CTNNA3: variants seen among roughly 807,000 people sequenced by gnomAD.
CTNNA3 encodes the protein catenin alpha 3.
In CTNNA3, 76 loss-of-function variants were observed where a neutral mutation model predicts 95.7. The observed-to-expected ratio is 0.79, with a 90% CI of 0.66 to 0.96. The LOEUF is 0.96. CTNNA3 is among the 40% of genes least tolerant of loss of function. The probability of loss-of-function intolerance (pLI) is 0.00; values close to 1 mark genes in which losing one functional copy is unlikely to be tolerated. For synonymous variants in CTNNA3, 431 were observed against 374.4 expected, an observed-to-expected ratio of 1.15 and a Z score of -1.74; for missense variants, 1,191 against 1,089.8, an observed-to-expected ratio of 1.09 and a Z score of -1.31.
chr10:66,279,092 C>T (rs543144975), intron 13 of CTNNA3, among the ~76,000 whole-genome samples: 11 of 152,154 alleles, frequency 7.2e-5, no homozygotes, highest in African/African-American at 2.6e-4. Flanking sequence ...TTTTCCCAAG[C>T]CTCAGTGTAC....
chr10:67,704,619 A>G (rs1356603729), intron 1 of CTNNA3, among the ~76,000 whole-genome samples: 1 of 152,188 alleles, frequency 6.6e-6, no homozygotes, highest in African/African-American at 2.4e-5. Context: ...CTTATACAAA[A>G]ATTAATTCAA....
intron 2 of CTNNA3, among the ~76,000 whole-genome samples, chr10:67,633,201 C>G (rs1839202740): frequency 6.6e-6 from 1 of 152,128 alleles, no homozygotes; most frequent in Non-Finnish European, 1.5e-5. Context: ...GCCACCCCAG[C>G]AAGGGCTCTA....
At position 66,524,778 on chromosome 10, in the gene CTNNA3, G is replaced by A. The variant is rs182418615; in HGVS notation, c.1375-4005C>T. On this transcript the variant is annotated intron_variant, in intron 10 of 17. Coordinates refer to ENST00000433211, the MANE Select transcript of CTNNA3 (RefSeq NM_013266.4). ...AAAGAAAAAAAAATAGGCCAGGTGCGGTGGCTCACGCCTGTAATCCCAGGA... is the reference window on the plus strand; with the variant it reads ...AAAGAAAAAAAAATAGGCCAGGTGCAGTGGCTCACGCCTGTAATCCCAGGA... Among the ~76,000 whole-genome samples, 635 of 152,080 alleles carry A rather than the reference G, an allele frequency of 4.2e-3. 8 individuals are homozygous for A. Among genetic ancestry groups the A allele is most frequent in the African/African-American group, 0.015 (604 of 41,530 alleles).
At chr10:67,575,382 T>A (rs1305490895) in intron 3 of CTNNA3, among the ~76,000 whole-genome samples, 1 of 152,054 alleles carries the variant, frequency 6.6e-6, no homozygotes, top group Non-Finnish European at 1.5e-5. Context: ...ATTTTATTTA[T>A]CCTATGTCTT....
intron 3 of CTNNA3, among the ~76,000 whole-genome samples, chr10:67,606,376 T>C (rs933427467): frequency 1.3e-5 from 2 of 152,218 alleles, no homozygotes; most frequent in African/African-American, 2.4e-5. Context: ...TCATTCACAG[T>C]TTATGCAAAG....
chr10:67,542,006 T>A (rs1426249102), intron 3 of CTNNA3, among the ~76,000 whole-genome samples: 1 of 152,168 alleles, frequency 6.6e-6, no homozygotes, highest in Non-Finnish European at 1.5e-5. Flanking sequence ...AACAACTGGC[T>A]GGAGAGCCAT....
At chr10:66,596,937 C>A (rs1564557484) in intron 10 of CTNNA3, among the ~76,000 whole-genome samples, 1 of 150,978 alleles carries the variant, frequency 6.6e-6, no homozygotes, top group Non-Finnish European at 1.5e-5. Flanking sequence ...TAAATAAAAT[C>A]AAGAAAACAA....
chr10:66,010,955 T>C (rs2078994409), intron 15 of CTNNA3, among the ~76,000 whole-genome samples: 2 of 152,210 alleles, frequency 1.3e-5, no homozygotes, highest in African/African-American at 4.8e-5. Context: ...CCTATGTTCT[T>C]GCTGCGGTTT....
At chr10:66,432,021 A>C in intron 11 of CTNNA3, among the ~76,000 whole-genome samples, 1 of 152,134 alleles carries the variant, frequency 6.6e-6, no homozygotes. Context: ...TAATAAAAAT[A>C]TATCAAAGCA....
intron 9 of CTNNA3, among the ~76,000 whole-genome samples, chr10:66,638,232 A>T (rs1310638413): frequency 6.6e-6 from 1 of 152,196 alleles, no homozygotes; most frequent in African/African-American, 2.4e-5. Flanking sequence ...TCTTATTAAG[A>T]ACTGGAAACT....
At chr10:66,618,050 G>T (rs1174379784) in intron 10 of CTNNA3, among the ~76,000 whole-genome samples, 4 of 151,220 alleles carry the variant, frequency 2.6e-5, no homozygotes, top group Admixed American at 2.0e-4. Context: ...CACTGCTCAA[G>T]GAAATAAAAA....
intron 12 of CTNNA3, among the ~76,000 whole-genome samples, chr10:66,337,024 G>A (rs1225959436): frequency 2.6e-5 from 4 of 151,920 alleles, no homozygotes; most frequent in Non-Finnish European, 5.9e-5. Context: ...GTTTTCTATT[G>A]AGCCAAATCA....
At chr10:66,576,486 C>A (rs1487780586) in intron 10 of CTNNA3, among the ~76,000 whole-genome samples, 1 of 151,994 alleles carries the variant, frequency 6.6e-6, no homozygotes, top group African/African-American at 2.4e-5. Flanking sequence ...CCCCACCACC[C>A]TCCCCAATGA....
At chr10:66,931,289 C>T (rs1264346575) in intron 7 of CTNNA3, among the ~76,000 whole-genome samples, 1 of 150,444 alleles carries the variant, frequency 6.6e-6, no homozygotes, top group Non-Finnish European at 1.5e-5. Context: ...GATTTAGTCT[C>T]TAAACTTCAT....
intron 9 of CTNNA3, among the ~76,000 whole-genome samples, chr10:66,682,857 A>T (rs1489787663): frequency 6.6e-6 from 1 of 152,112 alleles, no homozygotes; most frequent in Non-Finnish European, 1.5e-5. Flanking sequence ...GAGGGCCAAC[A>T]AGCATTTGCT....
rs555255223 is a variant in CTNNA3 at position 67,419,696 on chromosome 10, C to A, written c.579+102146G>T. On this transcript the variant is annotated intron_variant, in intron 5 of 17. Transcript: ENST00000433211. ...ATTTAGAAACTAATGTAATTTGAAT[C>A]TTTCCCTTGCCAGGGAACATACATG... Among the ~76,000 whole-genome samples the A allele has an allele frequency of 1.4e-4, 22 of 152,314 alleles. No individual in the cohort carries two copies. In the East Asian group the frequency reaches 2.1e-3, roughly 15 times the overall value.
intron 7 of CTNNA3, among the ~76,000 whole-genome samples, chr10:66,824,357 T>G (rs1842418460): frequency 6.6e-6 from 1 of 152,202 alleles, no homozygotes; most frequent in Non-Finnish European, 1.5e-5. Context: ...CCTCTGTTAT[T>G]GAAGCAATAA....
intron 7 of CTNNA3, among the ~76,000 whole-genome samples, chr10:66,950,641 C>A (rs181037686): frequency 1.3e-5 from 2 of 152,130 alleles, no homozygotes; most frequent in African/African-American, 2.4e-5. Context: ...TGGCTCCATA[C>A]AGCAAAAGAA....
intron 11 of CTNNA3, among the ~76,000 whole-genome samples, chr10:66,500,744 C>A (rs1217347192): frequency 6.6e-6 from 1 of 152,014 alleles, no homozygotes; most frequent in African/African-American, 2.4e-5. Flanking sequence ...CTCCCATGAC[C>A]ATTTTCCACA....
Sources: allele counts gnomAD v4.1 joint callset (sites outside exome capture counted in the v4.1 genomes callset), GRCh38; gene constraint gnomAD v4.1.1; transcripts MANE v1.5; gene names NCBI Gene and HGNC (gene_info 2026-07-23, HGNC 2026-07-21).